The following SANBR variants were observed in gnomAD, a reference collection of about 807,000 sequenced individuals.
SANBR encodes SANT and BTB domain regulator of class switch recombination.
Under a neutral mutation model 101.8 loss-of-function variants are expected in SANBR, and 77 were observed. The observed-to-expected ratio is 0.76, with a 90% CI of 0.63 to 0.91. SANBR has a LOEUF of 0.91. SANBR is among the 40% of genes least tolerant of loss of function. The probability of loss-of-function intolerance (pLI) is 0.00; values close to 1 mark genes in which losing one functional copy is unlikely to be tolerated. For synonymous variants in SANBR, 279 were observed against 274.7 expected (o/e 1.02, Z -0.15); for missense variants, 875 against 853.0 (o/e 1.03, Z -0.32).
At chr2:61,107,801 G>A (rs541747128) in intron 14 of SANBR, among the ~76,000 whole-genome samples, 17 of 151,662 alleles carry the variant, frequency 1.1e-4, no homozygotes, top group Non-Finnish European at 1.8e-4. Flanking sequence ...CAGGAGAATC[G>A]CTTAAACCCA....
chr2:61,133,889 G>A (rs1025232223), intron 20 of SANBR, among the ~76,000 whole-genome samples: 9 of 152,172 alleles, frequency 5.9e-5, no homozygotes, highest in African/African-American at 1.2e-4. Context: ...AAGTCTGAGA[G>A]TATACTTAAA....
At chr2:61,072,693 C>A (rs1032958693) in intron 4 of SANBR, among the ~76,000 whole-genome samples, 5 of 151,802 alleles carry the variant, frequency 3.3e-5, no homozygotes, top group African/African-American at 4.8e-5. Flanking sequence ...ATCTACTGGC[C>A]TAGTTAATTT....
Position 61,123,283 on chromosome 2 carries a change from A to T in SANBR, c.*1121A>T. 1 of 981,536 alleles carries T rather than the reference A, an allele frequency of 1.0e-6. No homozygotes were observed. 60.8% of individuals were successfully genotyped at this position (981,536 alleles called of 1,614,324 possible). On this transcript the variant is annotated 3_prime_UTR_variant, in exon 22 of 22. Coordinates refer to ENST00000402291, the MANE Select transcript of SANBR (RefSeq NM_001129993.3). ...TTTGCCTTATAACTGACATTTCTTC[A>T]AATTATTCAGAGAACAGACTTTAAT...
At position 61,122,824 on chromosome 2, in the gene SANBR, G is replaced by A; in HGVS notation, c.*662G>A. ...TAATGCTTATCTATTGATCATCTGA[G>A]CTGGAATTACTGATTATTACTCTGT... On this transcript the variant is annotated 3_prime_UTR_variant, in exon 22 of 22. Transcript: ENST00000402291. The A allele has an allele frequency of 1.0e-6, 1 of 985,296 alleles. No individual in the cohort carries two copies. Among genetic ancestry groups the A allele is most frequent in the African/African-American group, 1.7e-5 (1 of 57,300 alleles). The allele number at this position is 985,296 out of a possible 1,614,324, so 61.0% of individuals were successfully genotyped here.
At chr2:61,128,737 G>T (rs569944336), downstream of SANBR, among the ~76,000 whole-genome samples, 1 of 152,054 alleles carries the variant, frequency 6.6e-6, no homozygotes, top group Non-Finnish European at 1.5e-5. Context: ...CAGGTGATCC[G>T]TCTGCCTCGG....
At position 61,083,302 on chromosome 2, in the gene SANBR, A is replaced by G. The variant is rs1573605242; in HGVS notation, c.878A>G (p.Asp293Gly). 2 of 1,592,270 alleles carry G rather than the reference A, an allele frequency of 1.3e-6. No homozygotes were observed. The highest frequency in any genetic ancestry group is 1.1e-5 in the South Asian group (1 of 88,330). ...NEVDDLKDKKDKFKSKLFCKK... is the reference protein window; with the variant it reads ...NEVDDLKDKKGKFKSKLFCKK... ...GTTGATGATTTAAAGGACAAAAAAG[A>G]TAAATTTAAAAGGTAATTTCAAAAG... The change falls in exon 8 of 22, where the codon GAT becomes GGT. Residue 293 changes from aspartate to glycine, a missense_variant. Physicochemically the swap from Asp to Gly is moderately conservative, Grantham distance 94. Coordinates refer to ENST00000402291, the MANE Select transcript of SANBR (RefSeq NM_001129993.3).
chr2:61,134,014 A>G (rs562796320), intron 20 of SANBR: 80 of 1,442,070 alleles, frequency 5.5e-5, no homozygotes, highest in Non-Finnish European at 3.8e-5. Context: ...TAATAGAAAT[A>G]TAACCCACAA....
chr2:61,089,276 C>A, intron 10 of SANBR: 2 of 736,282 alleles, frequency 2.7e-6, no homozygotes, highest in Non-Finnish European at 3.3e-6. Flanking sequence ...TTTGGGAGGC[C>A]AAGTCAGGTG....
chr2:61,127,990 T>C (rs940861358), downstream of SANBR, among the ~76,000 whole-genome samples: 1 of 152,186 alleles, frequency 6.6e-6, no homozygotes, highest in African/African-American at 2.4e-5. Flanking sequence ...TCCTTACTTA[T>C]GGCCCAGCAC....
At chr2:61,134,703 C>T (rs1338352697) in intron 21 of SANBR, among the ~76,000 whole-genome samples, 2 of 152,162 alleles carry the variant, frequency 1.3e-5, no homozygotes, top group South Asian at 2.1e-4. Flanking sequence ...CCATCCTGGC[C>T]AACATGGTGA....
intron 15 of SANBR, among the ~76,000 whole-genome samples, chr2:61,108,935 A>G (rs1448106653): frequency 6.6e-6 from 1 of 152,224 alleles, no homozygotes; most frequent in East Asian, 1.9e-4. Flanking sequence ...TGATAGAGGT[A>G]CAATTCAACA....
intron 21 of SANBR, among the ~76,000 whole-genome samples, chr2:61,134,639 A>G (rs1027781528): frequency 2.0e-5 from 3 of 152,224 alleles, no homozygotes; most frequent in African/African-American, 7.2e-5. Context: ...TCACGCCTGT[A>G]GTCCCAGCAT....
intron 6 of SANBR, among the ~76,000 whole-genome samples, chr2:61,080,736 CAAAA>C (rs370174996): frequency 6.7e-6 from 1 of 149,220 alleles, no homozygotes; most frequent in African/African-American, 2.5e-5. Context: ...AAAACAACAA[CAAAA>C]AAAAACAAAA....
Position 61,074,800 on chromosome 2 carries a change from T to G in SANBR, c.431+1249T>G, listed in dbSNP as rs569863497. Among the ~76,000 whole-genome samples, 3 of 152,310 alleles carry G rather than the reference T, an allele frequency of 2.0e-5. No individual in the cohort carries two copies. In the South Asian group the frequency reaches 6.2e-4, roughly 32 times the overall value. Reference sequence around the variant, plus strand: ...AATAATCTAATATTTTATACTCTAGTCTAAAAAACTATGGAAACTCTGTTT... The same window carrying G: ...AATAATCTAATATTTTATACTCTAGGCTAAAAAACTATGGAAACTCTGTTT... On this transcript the variant is annotated intron_variant, in intron 5 of 21. Coordinates refer to ENST00000402291, the MANE Select transcript of SANBR (RefSeq NM_001129993.3).
At chr2:61,129,581 A>C (rs562833117) in intron 20 of SANBR, among the ~76,000 whole-genome samples, 2 of 152,210 alleles carry the variant, frequency 1.3e-5, no homozygotes, top group Non-Finnish European at 2.9e-5. Flanking sequence ...GAATATGTAT[A>C]TAATTTTATT....
At chr2:61,120,228 T>A (rs1032027861) in intron 20 of SANBR, among the ~76,000 whole-genome samples, 1 of 151,958 alleles carries the variant, frequency 6.6e-6, no homozygotes, top group Non-Finnish European at 1.5e-5. Context: ...TTGGACCGGG[T>A]GCAGTGGCTC....
chr2:61,084,279 T>G (rs1243640050), intron 8 of SANBR, among the ~76,000 whole-genome samples: 2 of 152,182 alleles, frequency 1.3e-5, no homozygotes, highest in Admixed American at 6.5e-5. Context: ...TAGAATATAT[T>G]TAGAAATATA....
intron 20 of SANBR, among the ~76,000 whole-genome samples, chr2:61,133,220 G>A (rs995150366): frequency 1.3e-5 from 2 of 152,036 alleles, no homozygotes; most frequent in African/African-American, 4.8e-5. Context: ...TTACTGCACT[G>A]CACTCCAGCC....
rs145168092 is a variant in SANBR, at chr2:61,092,559, A to C, written c.1184A>C (p.Asn395Thr). ...TACTGGCGATTGTGGGGAACAATCA[A>C]TTGGCTGACTTGTTCAAGATGTTAT... The part of the protein sequence containing the change: ...DVYWRLWGTI[N>T]WLTCSRCYQA... The change falls in exon 11 of 22, where the codon AAT becomes ACT. Residue 395 changes from asparagine to threonine, a missense_variant. Asn to Thr is a moderately conservative substitution (Grantham distance 65). Transcript: ENST00000402291. 1 of 1,600,968 alleles carries C rather than the reference A, an allele frequency of 6.2e-7. No individual in the cohort carries two copies. The highest frequency in any genetic ancestry group is 1.3e-5 in the African/African-American group (1 of 74,358).
Sources: gnomAD v4.1 joint callset for allele counts (sites outside exome capture counted in the v4.1 genomes callset) on GRCh38, gnomAD v4.1.1 for gene constraint, MANE v1.5 for transcripts, NCBI Gene and HGNC (gene_info 2026-07-23, HGNC 2026-07-21) for gene names.